The following CELF4 variants were observed in gnomAD, a reference collection of about 807,000 sequenced individuals.
CELF4 encodes CUG-BP- and ETR-3-like factor 4.
CELF4 carries 18 observed loss-of-function variants against 59.9 expected under a neutral mutation model. The observed-to-expected ratio is 0.30, with a 90% CI of 0.21 to 0.45. The LOEUF is 0.45. Among genes scored for constraint, CELF4 ranks in the 20% least tolerant of loss-of-function variants. The pLI is 1.00. For synonymous variants in CELF4, 261 were observed against 267.1 expected (o/e 0.98, Z 0.22); for missense variants, 456 against 689.0 (o/e 0.66, Z 3.79).
At chr18:37,405,686 C>T (rs1177814176) in intron 2 of CELF4, among the ~76,000 whole-genome samples, 1 of 152,218 alleles carries the variant, frequency 6.6e-6, no homozygotes, top group Non-Finnish European at 1.5e-5. Context: ...GTTTTAAGAA[C>T]CTGTGGCTAT....
intron 2 of CELF4, among the ~76,000 whole-genome samples, chr18:37,329,298 C>T (rs914522560): frequency 6.6e-6 from 1 of 152,228 alleles, no homozygotes; most frequent in Non-Finnish European, 1.5e-5. Flanking sequence ...CCTGGAGTCC[C>T]ACCTGCAACC....
At chr18:37,264,836 C>T in intron 9 of CELF4, 79 bp from the exon 10 acceptor site, 1 of 1,256,924 alleles carries the variant, frequency 8.0e-7, no homozygotes, top group South Asian at 1.3e-5. Context: ...GATTTCAGTG[C>T]AGGCAGTAAA....
chr18:37,259,272 GA>G lies in CELF4; in HGVS notation c.1250-9del. On this transcript the variant is annotated splice_polypyrimidine_tract_variant and intron_variant, in intron 10 of 12. Transcript: ENST00000420428. ...GGTTACAGCCCTCGGGCCCTGCGGT[GA>G]GGGGAGGGGGTGGGCGGGGGAGGAG... The G allele has an allele frequency of 7.1e-7, 1 of 1,398,774 alleles. No individual in the cohort carries two copies. Among genetic ancestry groups the G allele is most frequent in the Non-Finnish European group, 1.0e-6 (1 of 991,568 alleles). The allele number at this position is 1,398,774 out of a possible 1,614,324, so 86.6% of individuals were successfully genotyped here.
intron 2 of CELF4, among the ~76,000 whole-genome samples, chr18:37,327,129 G>T (rs940700711): frequency 2.4e-4 from 37 of 152,110 alleles, no homozygotes; most frequent in Admixed American, 1.2e-3. Context: ...CAGACAGAAA[G>T]ACAGGCCAAG....
At chr18:37,440,828 A>T (rs2099710483) in intron 2 of CELF4, among the ~76,000 whole-genome samples, 1 of 152,104 alleles carries the variant, frequency 6.6e-6, no homozygotes, top group South Asian at 2.1e-4. Flanking sequence ...TCCCCTGCTT[A>T]TCCTCCAAGG....
At chr18:37,360,488 A>C (rs2098686224) in intron 2 of CELF4, among the ~76,000 whole-genome samples, 1 of 152,186 alleles carries the variant, frequency 6.6e-6, no homozygotes, top group South Asian at 2.1e-4. Context: ...ACTGTGTGCC[A>C]AGCTCCCTTC....
At chr18:37,375,094 G>A (rs1264089931) in intron 2 of CELF4, among the ~76,000 whole-genome samples, 2 of 152,192 alleles carry the variant, frequency 1.3e-5, no homozygotes, top group East Asian at 3.9e-4. Flanking sequence ...AGCTGGCCTA[G>A]GCAGGGGAAG....
chr18:37,492,666 T>C (rs2154603531), intron 1 of CELF4, among the ~76,000 whole-genome samples: 1 of 151,686 alleles, frequency 6.6e-6, no homozygotes, highest in Admixed American at 6.6e-5. Context: ...GTCCTCCCAC[T>C]TCGAGTACCC....
intron 2 of CELF4, among the ~76,000 whole-genome samples, chr18:37,434,861 C>T (rs929389260): frequency 3.3e-5 from 5 of 152,204 alleles, no homozygotes; most frequent in African/African-American, 1.2e-4. Flanking sequence ...CCTCAAACAC[C>T]TTCCTCCTGC....
At chr18:37,553,059 C>T (rs906058618) in intron 1 of CELF4, among the ~76,000 whole-genome samples, 2 of 152,252 alleles carry the variant, frequency 1.3e-5, no homozygotes, top group African/African-American at 4.8e-5. Context: ...CCGTTTGTTC[C>T]TCATTCCAGA....
intron 2 of CELF4, among the ~76,000 whole-genome samples, chr18:37,438,499 TG>T: frequency 6.6e-6 from 1 of 152,164 alleles, no homozygotes; most frequent in Admixed American, 6.5e-5. Context: ...CAGGAGGGGC[TG>T]GCACCCTACC....
chr18:37,310,855 C>T (rs955980475), intron 3 of CELF4, among the ~76,000 whole-genome samples: 3 of 152,284 alleles, frequency 2.0e-5, no homozygotes, highest in South Asian at 2.1e-4. Context: ...TCTCTCCTCT[C>T]GCCCATCTCC....
chr18:37,352,196 G>T (rs187360838), intron 2 of CELF4, among the ~76,000 whole-genome samples: 19 of 152,338 alleles, frequency 1.2e-4, no homozygotes, highest in African/African-American at 4.6e-4. Context: ...ACCTTTGCAG[G>T]TGTCCCTCCT....
chr18:37,368,521 G>T (rs565038677), intron 2 of CELF4, among the ~76,000 whole-genome samples: 2 of 152,152 alleles, frequency 1.3e-5, no homozygotes, highest in Admixed American at 6.5e-5. Flanking sequence ...GTCCTGTCCC[G>T]TCTTGTCTGC....
At chr18:37,305,601 G>T (rs1603424066) in intron 3 of CELF4, 1 of 152,370 alleles carries the variant, frequency 6.6e-6, no homozygotes, top group African/African-American at 2.4e-5. Context: ...GTGGGGTGGT[G>T]CTGGGAGTCA....
At chr18:37,375,852 C>T (rs1044519767) in intron 2 of CELF4, among the ~76,000 whole-genome samples, 6 of 152,148 alleles carry the variant, frequency 3.9e-5, no homozygotes, top group Admixed American at 1.3e-4. Flanking sequence ...CCGTCCTCCC[C>T]GGTCCCAGAC....
chr18:37,286,712 C>A (rs2094816150), intron 3 of CELF4, among the ~76,000 whole-genome samples: 1 of 152,188 alleles, frequency 6.6e-6, no homozygotes, highest in African/African-American at 2.4e-5. Context: ...CGGGAGGAGT[C>A]ACACTGGAAT....
chr18:37,355,253 A>T (rs2098543643), intron 2 of CELF4, among the ~76,000 whole-genome samples: 1 of 152,224 alleles, frequency 6.6e-6, no homozygotes, highest in African/African-American at 2.4e-5. Context: ...GAGTGTGTGC[A>T]CATGTGAATA....
In CELF4 at chr18:37,312,333, C is replaced by T. The variant is rs544992791; in HGVS notation, c.448+9470G>A. Reference sequence around the variant, plus strand: ...CAGCTGGGCCTGGCCAGTTGCTAATCTGGCCAGTTGCTAATCCTTCAGCCC... The same window carrying T: ...CAGCTGGGCCTGGCCAGTTGCTAATTTGGCCAGTTGCTAATCCTTCAGCCC... On this transcript the variant is annotated intron_variant, in intron 3 of 12. Coordinates refer to ENST00000420428, the MANE Select transcript of CELF4 (RefSeq NM_020180.4). Among the ~76,000 whole-genome samples the T allele has an allele frequency of 5.5e-4, 83 of 152,198 alleles. 1 individual carries two copies. Among genetic ancestry groups the T allele is most frequent in the African/African-American group, 1.9e-3 (79 of 41,538 alleles).
Sources: allele counts gnomAD v4.1 joint callset (sites outside exome capture counted in the v4.1 genomes callset), GRCh38; gene constraint gnomAD v4.1.1; transcripts MANE v1.5; gene names NCBI Gene and HGNC (gene_info 2026-07-23, HGNC 2026-07-21).